PTK6: variants seen among roughly 807,000 people sequenced by gnomAD.
PTK6 encodes protein-tyrosine kinase 6.
Under a neutral mutation model 47.5 loss-of-function variants are expected in PTK6, and 47 were observed. That is an observed-to-expected ratio of 0.99 (90% CI 0.78 to 1.26). The LOEUF (loss-of-function observed/expected upper bound fraction) is 1.26. Among genes scored for constraint, PTK6 ranks in the 50% most tolerant of loss-of-function variants. PTK6 has a pLI of 0.00. For synonymous variants in PTK6, 287 were observed against 276.5 expected (o/e 1.04, Z -0.38); for missense variants, 618 against 625.3 (o/e 0.99, Z 0.12).
chr20:63,531,466 T>G (rs1317440041), intron 5 of PTK6, among the ~76,000 whole-genome samples: 1 of 120,330 alleles, frequency 8.3e-6, no homozygotes, highest in Non-Finnish European at 1.7e-5. Flanking sequence ...ATATATATAA[T>G]TAGCTGGGCG....
chr20:63,537,063 C>G, intron 1 of PTK6, 22 bp downstream of exon 1: 1 of 1,587,254 alleles, frequency 6.3e-7, no homozygotes, highest in Non-Finnish European at 8.6e-7. Flanking sequence ...TGCCAAAGCT[C>G]CCAGCAGCCT....
At position 63,528,360 on chromosome 20, in the gene PTK6, C is replaced by T. The variant is rs1405128946; in HGVS notation, c.*1176G>A. On this transcript the variant is annotated 3_prime_UTR_variant, in exon 8 of 8. Coordinates refer to ENST00000542869, the MANE Select transcript of PTK6 (RefSeq NM_005975.4). ...CAGAAGACAAATCCTTTTGAGAAAT[C>T]CTAGTACCTTTCCAGAAACTCCCAA... is the stretch of plus-strand genomic sequence containing the variant. The T allele has an allele frequency of 6.6e-6, 1 of 151,900 alleles. No homozygotes were observed. Among genetic ancestry groups the T allele is most frequent in the Non-Finnish European group, 1.5e-5 (1 of 68,010 alleles). 9.4% of individuals were successfully genotyped at this position (151,900 alleles called of 1,614,324 possible).
chr20:63,532,383 GTC>G, intron 5 of PTK6, 141 bp downstream of exon 5: 1 of 1,076,516 alleles, frequency 9.3e-7, no homozygotes, highest in Non-Finnish European at 1.3e-6. Flanking sequence ...GTGTGTCTGT[GTC>G]TGTGTCTGTG....
Position 63,531,463 on chromosome 20 carries a change from T to TAA in PTK6, c.833-538_833-537dup, listed in dbSNP as rs35057550. Among the ~76,000 whole-genome samples the TAA allele has an allele frequency of 5.7e-4, 54 of 94,480 alleles. 1 individual carries two copies. Among genetic ancestry groups the TAA allele is most frequent in the East Asian group, 4.3e-3 (8 of 1,872 alleles). The allele number at this position is 94,480 out of a possible 152,430, so 62.0% of individuals were successfully genotyped here. On this transcript the variant is annotated intron_variant, in intron 5 of 7. Coordinates refer to ENST00000542869, the MANE Select transcript of PTK6 (RefSeq NM_005975.4). ...ATATATATATATATATATATATATA[T>TAA]AATTAGCTGGGCGTGGTGACAGGTG...
chr20:63,535,091 C>A, intron 1 of PTK6, 32 bp from the exon 2 acceptor site: 1 of 1,568,656 alleles, frequency 6.4e-7, no homozygotes, highest in East Asian at 2.3e-5. Context: ...ACACGCGGAC[C>A]TGGGCCCACC....
chr20:63,534,609 T>C (rs975556744), intron 2 of PTK6, among the ~76,000 whole-genome samples: 8 of 152,256 alleles, frequency 5.3e-5, no homozygotes, highest in African/African-American at 1.9e-4. Context: ...GGATGGGGTT[T>C]CTCTGCGCCC....
Position 63,528,235 on chromosome 20 carries a change from AC to A in PTK6, c.*1300del, listed in dbSNP as rs2082590182. The A allele has an allele frequency of 6.6e-6, 1 of 151,952 alleles. No homozygotes were observed. 9.4% of individuals were successfully genotyped at this position (151,952 alleles called of 1,614,324 possible). ...TATCAAAACCAAACCCGTAAATAGAACCTCCAGAAGACTTAGTGTGACTTAC... is the reference window on the plus strand; with the variant it reads ...TATCAAAACCAAACCCGTAAATAGAACTCCAGAAGACTTAGTGTGACTTAC... On this transcript the variant is annotated 3_prime_UTR_variant, in exon 8 of 8. Coordinates refer to ENST00000542869, the MANE Select transcript of PTK6 (RefSeq NM_005975.4).
chr20:63,530,695 C>T lies in PTK6; in HGVS notation c.1014+51G>A, dbSNP rs1569010022. The T allele has an allele frequency of 6.3e-7, 1 of 1,591,754 alleles. No individual in the cohort carries two copies. The highest frequency in any genetic ancestry group is 1.7e-4 in the Middle Eastern group (1 of 5,934). On this transcript the variant is annotated intron_variant, in intron 6 of 7. Transcript: ENST00000542869. This position sits in a 1 kb window ranked among gnomAD's most constrained non-coding sequence, Gnocchi z 4.1. ...CTCCACACACAGGAAGCCCCCAGCCCTCCGGCCACGCCCCGGCCACGACCC... is the reference window on the plus strand; with the variant it reads ...CTCCACACACAGGAAGCCCCCAGCCTTCCGGCCACGCCCCGGCCACGACCC...
chr20:63,535,863 C>G (rs1212562662), intron 1 of PTK6, among the ~76,000 whole-genome samples: 1 of 29,040 alleles, frequency 3.4e-5, no homozygotes, highest in Non-Finnish European at 6.2e-5. Flanking sequence ...CTCCCGCCCC[C>G]TCCTCACCTG....
In PTK6 at chr20:63,530,905, G is replaced by A. The variant is rs758575605; in HGVS notation, c.855C>T (p.Pro285=). The A allele has an allele frequency of 1.9e-5, 31 of 1,611,840 alleles. No homozygotes were observed. Among genetic ancestry groups the A allele is most frequent in the Middle Eastern group, 1.6e-4 (1 of 6,062 alleles). The part of the protein sequence containing the change: ...LLRDSDEKVL[P]VSELLDIAWQ... ...AGGCGATGTCCAGCAGCTCCGAAAC[G>A]GGCAGGACTTTCTCATCAGAGTCTG... The change falls in exon 6 of 8, where the codon CCC becomes CCT. Residue 285 remains proline, a synonymous_variant. Coordinates refer to ENST00000542869, the MANE Select transcript of PTK6 (RefSeq NM_005975.4). The surrounding 1 kb of genome is among the most constrained non-coding windows in gnomAD (Gnocchi z 4.1).
At position 63,530,698 on chromosome 20, in the gene PTK6, C is replaced by T. The variant is rs781334771; in HGVS notation, c.1014+48G>A. On this transcript the variant is annotated intron_variant, in intron 6 of 7. Transcript: ENST00000542869. The surrounding 1 kb of genome is among the most constrained non-coding windows in gnomAD (Gnocchi z 4.1). ...CACACACAGGAAGCCCCCAGCCCTC[C>T]GGCCACGCCCCGGCCACGACCCCAG... 13 of 1,592,442 alleles carry T rather than the reference C, an allele frequency of 8.2e-6. No individual in the cohort carries two copies. Among genetic ancestry groups the T allele is most frequent in the South Asian group, 1.1e-5 (1 of 89,940 alleles).
At position 63,533,040 on chromosome 20, in the gene PTK6, T is replaced by C. The variant is rs938147115; in HGVS notation, c.671-353A>G. 2.6e-5 allele frequency among the ~76,000 whole-genome samples: 4 copies of C among 152,026 alleles called. No individual in the cohort carries two copies. Among genetic ancestry groups the C allele is most frequent in the African/African-American group, 7.3e-5 (3 of 41,354 alleles). ...TCTATTTTAATGGCTTTCCATTACG[T>C]CAAGGATTTTAAATTTTCTTTCTTT... On this transcript the variant is annotated intron_variant, in intron 4 of 7. Coordinates refer to ENST00000542869, the MANE Select transcript of PTK6 (RefSeq NM_005975.4). This position sits in a 1 kb window ranked among gnomAD's most constrained non-coding sequence, Gnocchi z 4.0.
rs377406653 is a variant in PTK6 at position 63,534,248 on chromosome 20, G to C, written c.420C>G (p.Asn140Lys). The part of the protein sequence containing the change: ...WRRAGGRLHL[N>K]EAVSFLSLPE... ...GCAGGCTGAGGAAGGACACCGCCTC[G>C]TTCAGGTGCAGCCGGCCCCCGGCAC... The change falls in exon 3 of 8, where the codon AAC becomes AAG. Residue 140 changes from asparagine (N) to lysine (K), a missense_variant. Transcript: ENST00000542869. The C allele has an allele frequency of 3.1e-6, 5 of 1,607,464 alleles. No homozygotes were observed. Among genetic ancestry groups the C allele is most frequent in the Non-Finnish European group, 4.2e-6 (5 of 1,178,106 alleles).
Position 63,533,842 on chromosome 20 carries a change from C to T in PTK6, c.517-138G>A. On this transcript the variant is annotated intron_variant, in intron 3 of 7. Coordinates refer to ENST00000542869, the MANE Select transcript of PTK6 (RefSeq NM_005975.4). This position sits in a 1 kb window ranked among gnomAD's most constrained non-coding sequence, Gnocchi z 4.0. ...GGGTTGGGGGTTTCTGAGTGTCTGA[C>T]ACAAGGGTGGACTCTCCTGGGGGCT... The T allele has an allele frequency of 1.6e-6, 2 of 1,270,780 alleles. No individual in the cohort carries two copies. The highest frequency in any genetic ancestry group is 1.5e-5 in the African/African-American group (1 of 64,972). The allele number at this position is 1,270,780 out of a possible 1,614,324, so 78.7% of individuals were successfully genotyped here.
Position 63,532,619 on chromosome 20 carries a change from T to C in PTK6, c.739A>G (p.Ile247Val). Residue 247 changes from isoleucine (I) to valine (V), a missense_variant, in exon 5 of 8, where the codon ATC (isoleucine) becomes GTC (valine). Physicochemically the swap from Ile to Val is conservative, Grantham distance 29. Coordinates refer to ENST00000542869, the MANE Select transcript of PTK6 (RefSeq NM_005975.4). ...QAMKKLRHKH[I>V]LALYAVVSVG... ...GACACCACGGCGTACAGCGCCAGGATGTGTTTGTGCCGCAGCTTCTTCATG... is the reference window on the plus strand; with the variant it reads ...GACACCACGGCGTACAGCGCCAGGACGTGTTTGTGCCGCAGCTTCTTCATG... 6.2e-7 allele frequency: 1 copy of C among 1,613,968 alleles called. No homozygotes were observed. The highest frequency in any genetic ancestry group is 8.5e-7 in the Non-Finnish European group (1 of 1,179,984).
In PTK6 at chr20:63,530,037, C is replaced by T; in HGVS notation, c.1168+41G>A. The T allele has an allele frequency of 5.6e-6, 9 of 1,608,822 alleles. No homozygotes were observed. Among genetic ancestry groups the T allele is most frequent in the Non-Finnish European group, 6.8e-6 (8 of 1,177,284 alleles). ...TGCCGGCTACCCAGGACCTCCCCCA[C>T]TCTGCCTCTCATGCCCAGTCAGGGA... On this transcript the variant is annotated intron_variant, in intron 7 of 7. Transcript: ENST00000542869. This position sits in a 1 kb window ranked among gnomAD's most constrained non-coding sequence, Gnocchi z 4.1.
intron 1 of PTK6, among the ~76,000 whole-genome samples, chr20:63,536,858 C>T (rs373587763): frequency 1.3e-5 from 2 of 152,338 alleles, no homozygotes; most frequent in South Asian, 2.1e-4. Flanking sequence ...GCCCTCTGAC[C>T]CCCGTGCTCC....
At chr20:63,531,046 C>T (rs2082615075) in intron 5 of PTK6, 119 bp from the exon 6 acceptor site, 22 of 958,194 alleles carry the variant, frequency 2.3e-5, no homozygotes, top group South Asian at 7.5e-5. Context: ...GAGGAGGGGC[C>T]GGGGCAAAGG....
chr20:63,536,718 G>A (rs534079735), intron 1 of PTK6, among the ~76,000 whole-genome samples: 11 of 152,296 alleles, frequency 7.2e-5, no homozygotes, highest in Middle Eastern at 3.4e-3. Flanking sequence ...GCCCTGGAAC[G>A]CTCCGACAGA....
Sources: gnomAD v4.1 joint callset for allele counts (sites outside exome capture counted in the v4.1 genomes callset) on GRCh38, gnomAD v4.1.1 for gene constraint, Gnocchi (gnomAD v3.1) non-coding constraint, MANE v1.5 for transcripts, NCBI Gene and HGNC (gene_info 2026-07-23, HGNC 2026-07-21) for gene names.